Variants in ABL1 observed in about 807,000 individuals in gnomAD.
ABL1 encodes tyrosine-protein kinase ABL1.
ABL1 carries 11 observed loss-of-function variants against 94.7 expected under a neutral mutation model. That is an observed-to-expected ratio of 0.12 (90% CI 0.07 to 0.19). The LOEUF is 0.19. ABL1 is among the 10% of genes least tolerant of loss of function. ABL1 has a pLI of 1.00. For missense variants in ABL1, 1,082 were observed against 1,489.4 expected, an observed-to-expected ratio of 0.73 and a Z score of 4.50; for synonymous variants, 656 against 622.4, an observed-to-expected ratio of 1.05 and a Z score of -0.80.
rs200523450 is a variant in ABL1, at chr9:130,885,259, C to T, written c.2969C>T (p.Ser990Leu). ...PVPSTLPSAS[S>L]ALAGDQPSST... ...CCCTCCACGTTGCCATCAGCATCCT[C>T]GGCCCTGGCAGGGGACCAGCCGTCT... Residue 990 changes from serine (S) to leucine (L), a missense_variant, in exon 11 of 11, where the codon TCG (serine) becomes TTG (leucine). Ser to Leu is a moderately radical substitution (Grantham distance 145). Around this residue, in one of 7 missense-constraint regions of ABL1, gnomAD observed 780 missense variants for 835.8 expected, o/e 0.93. Coordinates refer to ENST00000318560, the MANE Select transcript of ABL1 (RefSeq NM_005157.6). The T allele has an allele frequency of 8.5e-5, 137 of 1,613,876 alleles. No individual in the cohort carries two copies. Among genetic ancestry groups the T allele is most frequent in the South Asian group, 1.8e-4 (16 of 91,082 alleles).
At chr9:130,742,484 T>C (rs2791731) in intron 1 of ABL1, among the ~76,000 whole-genome samples, 79,538 of 152,006 alleles carry the variant, frequency 0.52, 22,460 homozygotes, top group African/African-American at 0.74. Flanking sequence ...CCATCTTAGC[T>C]AGACTCCAGG....
chr9:130,864,205 T>C (rs899443612), intron 4 of ABL1, among the ~76,000 whole-genome samples: 3 of 152,192 alleles, frequency 2.0e-5, no homozygotes, highest in Non-Finnish European at 4.4e-5. Flanking sequence ...GGGCATGGTT[T>C]GGGGTTACCT....
In ABL1 at chr9:130,810,865, C is replaced by T. The variant is rs144976902; in HGVS notation, c.137-43199C>T. 1.2e-3 allele frequency among the ~76,000 whole-genome samples: 182 copies of T among 152,120 alleles called. 2 individuals carry two copies. The highest frequency in any genetic ancestry group is 0.012 in the East Asian group (61 of 5,184). ...AGGAAACATGAAGAAAAACTATATA[C>T]TAAGGCACATCTTAAGCAAATTGCT... On this transcript the variant is annotated intron_variant, in intron 1 of 10. Coordinates refer to the ABL1 transcript ENST00000372348.
chr9:130,758,297 A>T lies in ABL1; in HGVS notation c.136+43842A>T, dbSNP rs1009152268. ...TGCCTCAGCCTCCCGAGTAGCTGGG[A>T]TTACAGGCGTGTACTACCACGTCTG... is the stretch of plus-strand genomic sequence containing the variant. On this transcript the variant is annotated intron_variant, in intron 1 of 10. Transcript: ENST00000372348. Among the ~76,000 whole-genome samples, 190 of 151,812 alleles carry T rather than the reference A, an allele frequency of 1.3e-3. 4 individuals are homozygous for T. Among genetic ancestry groups the T allele is most frequent in the Admixed American group, 5.3e-4 (8 of 15,224 alleles).
intron 1 of ABL1, among the ~76,000 whole-genome samples, chr9:130,737,857 G>A (rs1376032786): frequency 6.8e-6 from 1 of 146,162 alleles, no homozygotes; most frequent in African/African-American, 2.5e-5. Flanking sequence ...TTGAGACAGA[G>A]TCTCACTCTG....
Position 130,809,441 on chromosome 9 carries a change from T to A in ABL1, c.137-44623T>A, listed in dbSNP as rs181608058. ...GAGTGTGTGTGTGTGTGTGTGTGTGTGTGCACGTGTGAAGAAATTTATTGT... is the reference window on the plus strand; with the variant it reads ...GAGTGTGTGTGTGTGTGTGTGTGTGAGTGCACGTGTGAAGAAATTTATTGT... On this transcript the variant is annotated intron_variant, in intron 1 of 10. Coordinates refer to the ABL1 transcript ENST00000372348. 2.5e-4 allele frequency among the ~76,000 whole-genome samples: 38 copies of A among 149,066 alleles called. No homozygotes were observed. The East Asian group carries it at 7.1e-3, about 28-fold the overall frequency.
chr9:130,883,358 G>A (rs1392317873), intron 10 of ABL1, among the ~76,000 whole-genome samples: 5 of 152,152 alleles, frequency 3.3e-5, no homozygotes, highest in African/African-American at 7.2e-5. Flanking sequence ...TTAGCCAGGC[G>A]TGGTAGCGGG....
At chr9:130,775,698 A>C (rs1036162744) in intron 1 of ABL1, among the ~76,000 whole-genome samples, 1 of 152,150 alleles carries the variant, frequency 6.6e-6, no homozygotes, top group African/African-American at 2.4e-5. Flanking sequence ...AGAATAGTGA[A>C]AAACAAGAAT....
intron 1 of ABL1, among the ~76,000 whole-genome samples, chr9:130,757,947 C>T (rs1332063633): frequency 6.6e-6 from 1 of 152,124 alleles, no homozygotes; most frequent in Non-Finnish European, 1.5e-5. Flanking sequence ...AAGCAATGGC[C>T]CCTCCAGGGC....
intron 8 of ABL1, among the ~76,000 whole-genome samples, chr9:130,878,917 G>A (rs533856630): frequency 2.4e-4 from 34 of 139,176 alleles, no homozygotes; most frequent in East Asian, 1.4e-3. Flanking sequence ...CGCTCTTGTC[G>A]CCCAGGCTGG....
At chr9:130,832,886 A>G (rs953158787), upstream of ABL1, among the ~76,000 whole-genome samples, 1 of 152,218 alleles carries the variant, frequency 6.6e-6, no homozygotes, top group Admixed American at 6.5e-5. Flanking sequence ...TGGAAAGTAT[A>G]GGCCAGGTTT....
At chr9:130,726,730 T>C (rs1831591433) in intron 1 of ABL1, among the ~76,000 whole-genome samples, 2 of 152,212 alleles carry the variant, frequency 1.3e-5, no homozygotes, top group East Asian at 3.8e-4. Context: ...TGCCTTGGCC[T>C]CCTGAAGTGC....
rs1374284446 is a variant in ABL1 at position 130,766,204 on chromosome 9, C to T, written c.136+51749C>T. 3.9e-5 allele frequency among the ~76,000 whole-genome samples: 6 copies of T among 152,226 alleles called. No homozygotes were observed. The East Asian group carries it at 5.8e-4, about 15-fold the overall frequency. ...CTCACAGACACATACCAAGAAGCCTCGGCCCCCAGTGCCCCCGCCAGCCTG... is the reference window on the plus strand; with the variant it reads ...CTCACAGACACATACCAAGAAGCCTTGGCCCCCAGTGCCCCCGCCAGCCTG... On this transcript the variant is annotated intron_variant, in intron 1 of 10. Coordinates refer to the ABL1 transcript ENST00000372348.
At chr9:130,822,620 T>C (rs947037031) in intron 1 of ABL1, among the ~76,000 whole-genome samples, 2 of 152,026 alleles carry the variant, frequency 1.3e-5, no homozygotes, top group African/African-American at 4.8e-5. Context: ...CAGCATCTCG[T>C]GATTTTAGTT....
intron 1 of ABL1, among the ~76,000 whole-genome samples, chr9:130,840,679 A>C (rs1395891016): frequency 6.6e-6 from 1 of 152,046 alleles, no homozygotes; most frequent in Non-Finnish European, 1.5e-5. Context: ...TTTTAAAACT[A>C]TCTCTTTTTT....
In ABL1 at chr9:130,880,590, C is replaced by T; in HGVS notation, c.1604C>T (p.Ser535Phe). 2 of 1,613,858 alleles carry T rather than the reference C, an allele frequency of 1.2e-6. No homozygotes were observed. The highest frequency in any genetic ancestry group is 1.7e-6 in the Non-Finnish European group (2 of 1,179,878). ...GAGCTGCCCACCAAGACGAGGACCT[C>T]CAGGAGAGCTGCAGAGCACAGAGAC... ...APELPTKTRT[S>F]RRAAEHRDTT... is the part of the protein sequence containing the mutation. The change falls in exon 10 of 11, where the codon TCC (serine) becomes TTC (phenylalanine). Residue 535 changes from serine (S) to phenylalanine (F), a missense_variant. By Grantham distance (155) the Ser-to-Phe change is radical. This residue lies in a region of ABL1 where 780 missense variants were observed against 835.8 expected (regional missense o/e 0.93). Transcript: ENST00000318560. This position sits in a 1 kb window ranked among gnomAD's most constrained non-coding sequence, Gnocchi z 4.4.
chr9:130,725,689 A>G (rs1486898066), intron 1 of ABL1, among the ~76,000 whole-genome samples: 1 of 151,708 alleles, frequency 6.6e-6, no homozygotes, highest in Non-Finnish European at 1.5e-5. Context: ...CTCACTTAGC[A>G]TGTTTTAAAG....
chr9:130,873,165 G>T (rs779407687), intron 6 of ABL1, 128 bp downstream of exon 6: 6 of 999,760 alleles, frequency 6.0e-6, no homozygotes, highest in Non-Finnish European at 8.5e-6. Context: ...GCAACACATT[G>T]GACCTTGGAA....
chr9:130,751,198 G>C (rs1476413656), intron 1 of ABL1, among the ~76,000 whole-genome samples: 1 of 113,638 alleles, frequency 8.8e-6, no homozygotes, highest in African/African-American at 3.4e-5. Context: ...CTGGAGTACA[G>C]TGGCGCGATC....
Sources: allele counts gnomAD v4.1 joint callset (sites outside exome capture counted in the v4.1 genomes callset), GRCh38; gene constraint gnomAD v4.1.1; regional missense constraint gnomAD v4.1.1; non-coding constraint Gnocchi (gnomAD v3.1); transcripts MANE v1.5; gene names NCBI Gene and HGNC (gene_info 2026-07-23, HGNC 2026-07-21).